PIAS1: variants seen among roughly 807,000 people sequenced by gnomAD.
PIAS1 encodes the protein protein inhibitor of activated STAT 1.
In PIAS1, 6 loss-of-function variants were observed where a neutral mutation model predicts 71.3. The ratio of observed to expected loss-of-function variants is 0.08; its 90% CI spans 0.05 to 0.17. The LOEUF is 0.17. PIAS1 is among the 10% of genes least tolerant of loss of function. The probability of loss-of-function intolerance (pLI) is 1.00; values close to 1 mark genes in which losing one functional copy is unlikely to be tolerated. For missense variants in PIAS1, 555 were observed against 793.6 expected, an observed-to-expected ratio of 0.70 and a Z score of 3.61; for synonymous variants, 303 against 292.9, an observed-to-expected ratio of 1.03 and a Z score of -0.35.
intron 2 of PIAS1, 54 bp from the exon 3 acceptor site, chr15:68,141,892 G>C (rs1470404339): frequency 1.1e-6 from 1 of 939,328 alleles, no homozygotes; most frequent in East Asian, 3.0e-5. Context: ...TTTTGCTTTT[G>C]TCTTTACTGG....
At chr15:68,162,936 G>C (rs946596116) in intron 7 of PIAS1, among the ~76,000 whole-genome samples, 1 of 152,110 alleles carries the variant, frequency 6.6e-6, no homozygotes, top group African/African-American at 2.4e-5. Flanking sequence ...CTGCCTTTTT[G>C]TTCTTTCCAT....
rs2093006987 is a variant in PIAS1 at position 68,174,005 on chromosome 15, G to A, written c.1169+113G>A. The A allele has an allele frequency of 1.7e-6, 1 of 573,800 alleles. No homozygotes were observed. Among genetic ancestry groups the A allele is most frequent in the South Asian group, 7.6e-5 (1 of 13,122 alleles). The allele number at this position is 573,800 out of a possible 1,614,324, so 35.5% of individuals were successfully genotyped here. On this transcript the variant is annotated intron_variant, in intron 9 of 13. Coordinates refer to ENST00000249636, the MANE Select transcript of PIAS1 (RefSeq NM_016166.3). The surrounding 1 kb of genome is among the most constrained non-coding windows in gnomAD (Gnocchi z 4.0). ...AGTTATATATTTGTAGGATTTTTGTGAGTCTGCAAACCAATATTTTCAAAG... is the reference window on the plus strand; with the variant it reads ...AGTTATATATTTGTAGGATTTTTGTAAGTCTGCAAACCAATATTTTCAAAG...
chr15:68,101,784 T>C (rs1457057247), intron 2 of PIAS1, among the ~76,000 whole-genome samples: 2 of 152,198 alleles, frequency 1.3e-5, no homozygotes, highest in Non-Finnish European at 2.9e-5. Flanking sequence ...TGACTTGCTC[T>C]GTCACCCAGG....
At chr15:68,055,188 G>A (rs974442243) in intron 1 of PIAS1, 1 of 984,978 alleles carries the variant, frequency 1.0e-6, no homozygotes, top group Non-Finnish European at 1.2e-6. Flanking sequence ...GAGCCTTTGG[G>A]GGTCTCTGCA....
At chr15:68,169,970 C>A (rs1219319796) in intron 8 of PIAS1, among the ~76,000 whole-genome samples, 1 of 152,030 alleles carries the variant, frequency 6.6e-6, no homozygotes, top group Non-Finnish European at 1.5e-5. Context: ...CATTCTAACA[C>A]CAGAACTCAT....
intron 1 of PIAS1, among the ~76,000 whole-genome samples, chr15:68,074,415 C>T (rs2092135257): frequency 6.6e-6 from 1 of 152,182 alleles, no homozygotes; most frequent in Admixed American, 6.5e-5. Flanking sequence ...GCCATCCTCC[C>T]ACCTCAGCCT....
chr15:68,139,982 C>T (rs541145206), intron 2 of PIAS1, among the ~76,000 whole-genome samples: 1 of 152,124 alleles, frequency 6.6e-6, no homozygotes, highest in Non-Finnish European at 1.5e-5. Flanking sequence ...TTATCTAAAA[C>T]CAAAACTATA....
chr15:68,074,456 C>G (rs191922316), intron 1 of PIAS1, among the ~76,000 whole-genome samples: 5 of 152,282 alleles, frequency 3.3e-5, no homozygotes. Context: ...GCTGGGATTA[C>G]AGGAAGTAAA....
chr15:68,107,694 A>G (rs977784596), intron 2 of PIAS1, among the ~76,000 whole-genome samples: 25 of 152,170 alleles, frequency 1.6e-4, no homozygotes, highest in African/African-American at 6.0e-4. Flanking sequence ...TATAAAACTA[A>G]TAATGTGTGA....
intron 2 of PIAS1, among the ~76,000 whole-genome samples, chr15:68,120,746 C>T (rs1421450529): frequency 1.3e-5 from 2 of 152,166 alleles, no homozygotes; most frequent in African/African-American, 4.8e-5. Context: ...CCTCCACCTC[C>T]CGAATTCAAG....
intron 11 of PIAS1, among the ~76,000 whole-genome samples, chr15:68,178,000 G>A (rs892912416): frequency 2.0e-5 from 3 of 152,202 alleles, no homozygotes; most frequent in East Asian, 3.9e-4. Context: ...ATCAAGAGCA[G>A]GCATTTCTGT....
At position 68,191,381 on chromosome 15, in the gene PIAS1, A is replaced by C. The variant is rs2093119206; in HGVS notation, c.*3546A>C. The C allele has an allele frequency of 6.6e-6, 1 of 152,670 alleles. No individual in the cohort carries two copies. The highest frequency in any genetic ancestry group is 2.4e-5 in the African/African-American group (1 of 41,460). The allele number at this position is 152,670 out of a possible 1,614,324, so 9.5% of individuals were successfully genotyped here. A position where few individuals can be genotyped will look rare whatever the true frequency, so the allele number is the denominator to read the frequency against. ...CCAAGTGAAAATATTTATTACATGCATTGGAAAAAAATTGTTTACCTATTG... is the reference window on the plus strand; with the variant it reads ...CCAAGTGAAAATATTTATTACATGCCTTGGAAAAAAATTGTTTACCTATTG... On this transcript the variant is annotated 3_prime_UTR_variant, in exon 14 of 14. Transcript: ENST00000249636.
At chr15:68,130,843 A>G (rs1190007322) in intron 2 of PIAS1, among the ~76,000 whole-genome samples, 2 of 152,198 alleles carry the variant, frequency 1.3e-5, no homozygotes, top group African/African-American at 2.4e-5. Flanking sequence ...CAGAAGTCAT[A>G]AATAGTTCAG....
chr15:68,150,793 T>C (rs1304381218), intron 6 of PIAS1, among the ~76,000 whole-genome samples: 2 of 152,158 alleles, frequency 1.3e-5, no homozygotes, highest in African/African-American at 4.8e-5. Context: ...AGATACTTGT[T>C]TGAGCATTTC....
At chr15:68,101,975 A>G (rs2092430860) in intron 2 of PIAS1, among the ~76,000 whole-genome samples, 1 of 152,166 alleles carries the variant, frequency 6.6e-6, no homozygotes, top group Non-Finnish European at 1.5e-5. Context: ...GCCTCAAGTG[A>G]TCCTCCCACC....
At chr15:68,064,590 C>G (rs2091996746) in intron 1 of PIAS1, among the ~76,000 whole-genome samples, 1 of 152,196 alleles carries the variant, frequency 6.6e-6, no homozygotes, top group Admixed American at 6.5e-5. Flanking sequence ...TTGCAGCAGC[C>G]TTTAAGAACC....
intron 2 of PIAS1, among the ~76,000 whole-genome samples, chr15:68,105,919 A>G (rs569183750): frequency 6.6e-6 from 1 of 152,302 alleles, no homozygotes; most frequent in African/African-American, 2.4e-5. Flanking sequence ...AGATTTTTCA[A>G]TATAAAATTA....
intron 2 of PIAS1, among the ~76,000 whole-genome samples, chr15:68,117,780 CA>C (rs1383410059): frequency 3.3e-5 from 5 of 152,220 alleles, no homozygotes; most frequent in African/African-American, 7.2e-5. Context: ...AGGTTGATTT[CA>C]TATCTTGCGA....
intron 8 of PIAS1, among the ~76,000 whole-genome samples, chr15:68,168,510 A>G (rs1337318625): frequency 6.6e-6 from 1 of 152,196 alleles, no homozygotes; most frequent in African/African-American, 2.4e-5. Flanking sequence ...TTTGGGAGTT[A>G]AAGTGCTTAT....
Sources: gnomAD v4.1 joint callset for allele counts (sites outside exome capture counted in the v4.1 genomes callset) on GRCh38, gnomAD v4.1.1 for gene constraint, Gnocchi (gnomAD v3.1) non-coding constraint, MANE v1.5 for transcripts, NCBI Gene and HGNC (gene_info 2026-07-23, HGNC 2026-07-21) for gene names.